FRMD5: variants seen among roughly 807,000 people sequenced by gnomAD.
The protein encoded by FRMD5 is FERM domain-containing protein 5.
In FRMD5, 20 loss-of-function variants were observed where a neutral mutation model predicts 69.0. That is an observed-to-expected ratio of 0.29 (90% confidence interval 0.20 to 0.42). FRMD5 has a LOEUF of 0.42. FRMD5 is among the 10% of genes least tolerant of loss of function. The pLI is 1.00. For synonymous variants in FRMD5, 271 were observed against 260.1 expected (o/e 1.04, Z -0.40); for missense variants, 595 against 708.6 (o/e 0.84, Z 1.82).
chr15:44,033,358 T>TA (rs1421489182), intron 1 of FRMD5, among the ~76,000 whole-genome samples: 1 of 152,144 alleles, frequency 6.6e-6, no homozygotes, highest in African/African-American at 2.4e-5. Flanking sequence ...TTTACATATG[T>TA]AAAAAACCTT....
intron 4 of FRMD5, among the ~76,000 whole-genome samples, chr15:43,917,072 G>A (rs771853741): frequency 1.1e-4 from 16 of 151,640 alleles, no homozygotes; most frequent in Non-Finnish European, 2.1e-4. Flanking sequence ...GAGCCACCAC[G>A]CCTGGCGGAA....
At position 44,050,740 on chromosome 15, in the gene FRMD5, C is replaced by A. The variant is rs140014654; in HGVS notation, c.103-126431G>T. 2.2e-3 allele frequency among the ~76,000 whole-genome samples: 338 copies of A among 151,628 alleles called. 7 individuals are homozygous for A. In the East Asian group the frequency reaches 0.057, roughly 26 times the overall value. On this transcript the variant is annotated intron_variant, in intron 1 of 13. Transcript: ENST00000417257. ...TGGGATAATCTCAGCTCACTGCAAC[C>A]TCTGCCTCACAGATTTAAGTGATTC...
chr15:44,121,306 T>G, intron 1 of FRMD5, among the ~76,000 whole-genome samples: 1 of 151,056 alleles, frequency 6.6e-6, no homozygotes, highest in Non-Finnish European at 1.5e-5. Context: ...TTTCAGTGGA[T>G]GTGAAGGGAA....
intron 1 of FRMD5, among the ~76,000 whole-genome samples, chr15:44,031,065 TACTC>T (rs1336405678): frequency 2.6e-5 from 4 of 152,100 alleles, no homozygotes; most frequent in African/African-American, 4.8e-5. Context: ...AGTGACTAGA[TACTC>T]ACATGCTCTA....
chr15:43,921,334 G>A (rs1019295278), intron 2 of FRMD5, among the ~76,000 whole-genome samples: 9 of 152,190 alleles, frequency 5.9e-5, no homozygotes, highest in African/African-American at 2.2e-4. Flanking sequence ...AATAAACAAA[G>A]GAAGGTAGAA....
intron 1 of FRMD5, among the ~76,000 whole-genome samples, chr15:44,021,360 G>C (rs895430022): frequency 6.6e-6 from 1 of 152,130 alleles, no homozygotes; most frequent in Non-Finnish European, 1.5e-5. Flanking sequence ...CTCATAAAAG[G>C]TAACTAACTC....
intron 1 of FRMD5, among the ~76,000 whole-genome samples, chr15:44,110,720 C>T (rs1447636037): frequency 6.6e-6 from 1 of 152,200 alleles, no homozygotes; most frequent in East Asian, 1.9e-4. Context: ...CAAAGGTTAG[C>T]ATTTTCTAAT....
chr15:44,051,684 GT>G (rs1383124184), intron 1 of FRMD5, among the ~76,000 whole-genome samples: 1 of 151,898 alleles, frequency 6.6e-6, no homozygotes, highest in African/African-American at 2.4e-5. Context: ...GGCCGTTACT[GT>G]TTTTTAGATT....
intron 1 of FRMD5, among the ~76,000 whole-genome samples, chr15:44,037,599 C>CTGGGACT (rs999877698): frequency 5.3e-5 from 8 of 151,180 alleles, no homozygotes; most frequent in African/African-American, 1.9e-4. Context: ...TCCCAAGTAG[C>CTGGGACT]TGGGACTACA....
chr15:44,103,797 A>G (rs560280910), intron 1 of FRMD5, among the ~76,000 whole-genome samples: 1 of 152,220 alleles, frequency 6.6e-6, no homozygotes, highest in Non-Finnish European at 1.5e-5. Flanking sequence ...TTTGGTCAAC[A>G]ATGGATCTCA....
chr15:43,891,273 C>T (rs1343825647), intron 8 of FRMD5, among the ~76,000 whole-genome samples: 1 of 152,178 alleles, frequency 6.6e-6, no homozygotes, highest in Admixed American at 6.5e-5. Flanking sequence ...AGAACAGACC[C>T]CAAATAAAAC....
At chr15:43,888,136 C>T (rs761318919) in intron 10 of FRMD5, 39 bp downstream of exon 10, 2 of 1,488,826 alleles carry the variant, frequency 1.3e-6, no homozygotes, top group Non-Finnish European at 1.9e-6. Flanking sequence ...CTGACTCTGG[C>T]TCTAAGAAAG....
chr15:44,072,516 C>T (rs1249068401), intron 1 of FRMD5, among the ~76,000 whole-genome samples: 3 of 152,200 alleles, frequency 2.0e-5, no homozygotes, highest in African/African-American at 7.2e-5. Context: ...TAAAAATTTG[C>T]TGTTACAGAC....
rs2140439606 is a variant in FRMD5, at chr15:43,919,473, T to C, written c.315A>G (p.Lys105=). The C allele has an allele frequency of 6.2e-7, 1 of 1,614,074 alleles. No individual in the cohort carries two copies. Among genetic ancestry groups the C allele is most frequent in the East Asian group, 2.2e-5 (1 of 44,882 alleles). The change falls in exon 4 of 14, where the codon AAA becomes AAG. Residue 105 remains lysine (K), a synonymous_variant. Transcript: ENST00000417257. ...GTTCACCTCACCTGGTTATTTCTTC[T>C]TTCAGAGCAGCAGGGTCTGCAGGAT... ...KFYPADPAAL[K]EEITRYLVFL...
intron 1 of FRMD5, among the ~76,000 whole-genome samples, chr15:44,149,214 C>A (rs533266341): frequency 6.6e-6 from 1 of 151,712 alleles, no homozygotes; most frequent in South Asian, 2.1e-4. Context: ...AGCATTATAA[C>A]CTTAGAATGT....
chr15:44,005,297 A>G (rs1166332039), intron 1 of FRMD5, among the ~76,000 whole-genome samples: 2 of 152,058 alleles, frequency 1.3e-5, no homozygotes, highest in Non-Finnish European at 2.9e-5. Flanking sequence ...CCTGGCCAAC[A>G]TGGTGAAACC....
chr15:43,981,553 A>AT (rs1031392931), intron 1 of FRMD5, among the ~76,000 whole-genome samples: 3 of 152,124 alleles, frequency 2.0e-5, no homozygotes, highest in African/African-American at 7.2e-5. Flanking sequence ...ATACATTGTA[A>AT]TTTTTGATTT....
chr15:44,149,872 G>A (rs2077415680), intron 1 of FRMD5, among the ~76,000 whole-genome samples: 1 of 152,066 alleles, frequency 6.6e-6, no homozygotes, highest in Admixed American at 6.6e-5. Flanking sequence ...TACCCCATAT[G>A]AACATTTTGC....
chr15:43,949,483 T>C (rs1377406898), intron 1 of FRMD5, among the ~76,000 whole-genome samples: 1 of 152,218 alleles, frequency 6.6e-6, no homozygotes, highest in African/African-American at 2.4e-5. Context: ...CTGGAACTCA[T>C]GGAGTCTTGC....
Sources: allele counts gnomAD v4.1 joint callset (sites outside exome capture counted in the v4.1 genomes callset), GRCh38; gene constraint gnomAD v4.1.1; transcripts MANE v1.5; gene names NCBI Gene and HGNC (gene_info 2026-07-23, HGNC 2026-07-21).